Variants in CD84 observed in about 807,000 individuals in gnomAD.
CD84 encodes the protein SLAM family member 5.
In CD84, 22 loss-of-function variants were observed where a neutral mutation model predicts 33.8. The observed-to-expected ratio is 0.65, with a 90% CI of 0.46 to 0.93. The LOEUF (loss-of-function observed/expected upper bound fraction) is 0.93. Ranked by LOEUF, CD84 falls within the 40% of genes least tolerant of loss-of-function variation. The pLI is 0.00. For missense variants in CD84, 400 were observed against 397.6 expected, an observed-to-expected ratio of 1.01 and a Z score of -0.05; for synonymous variants, 154 against 145.2, an observed-to-expected ratio of 1.06 and a Z score of -0.44.
At chr1:160,565,046 T>C (rs551058035) in intron 2 of CD84, among the ~76,000 whole-genome samples, 1 of 152,328 alleles carries the variant, frequency 6.6e-6, no homozygotes, top group South Asian at 2.1e-4. Flanking sequence ...TGTACCTTCT[T>C]TGCATCTATC....
chr1:160,558,156 C>T (rs186560237), intron 2 of CD84, among the ~76,000 whole-genome samples: 14 of 152,300 alleles, frequency 9.2e-5, no homozygotes, highest in East Asian at 1.9e-4. Flanking sequence ...TTTTGTGGGT[C>T]CCTGATCCTG....
intron 1 of CD84, among the ~76,000 whole-genome samples, chr1:160,567,537 CT>C (rs1299932877): frequency 6.6e-6 from 1 of 152,170 alleles, no homozygotes; most frequent in Non-Finnish European, 1.5e-5. Context: ...CATTTATTAA[CT>C]GCTAATTATG....
chr1:160,549,878 A>T (rs201778432), intron 6 of CD84, 39 bp downstream of exon 6: 7 of 1,475,868 alleles, frequency 4.7e-6, no homozygotes, highest in Non-Finnish European at 6.6e-6. Flanking sequence ...TGGCTGGAAG[A>T]GTTAGGAAAG....
chr1:160,552,704 C>CACT (rs1408425887), intron 4 of CD84: 2 of 1,546,496 alleles, frequency 1.3e-6, no homozygotes, highest in Admixed American at 3.9e-5. Flanking sequence ...TGAGAACTTA[C>CACT]AAGGGTTCTT....
intron 3 of CD84, 122 bp downstream of exon 3, chr1:160,553,773 C>G (rs1024757400): frequency 6.8e-7 from 1 of 1,472,070 alleles, no homozygotes; most frequent in Non-Finnish European, 9.2e-7. Flanking sequence ...GTGATGCCCT[C>G]AGTGACCAGG....
chr1:160,549,851 G>A, intron 6 of CD84, 66 bp downstream of exon 6: 1 of 1,197,740 alleles, frequency 8.3e-7, no homozygotes, highest in Non-Finnish European at 1.2e-6. Flanking sequence ...TGGTTGGATG[G>A]ACCGGGTGCA....
intron 1 of CD84, among the ~76,000 whole-genome samples, chr1:160,569,258 T>TTCTGC (rs1657531772): frequency 6.6e-6 from 1 of 152,210 alleles, no homozygotes; most frequent in Admixed American, 6.5e-5. Context: ...ATAGACTTTA[T>TTCTGC]TCTGCTCTTA....
chr1:160,560,994 C>T (rs1157407417), intron 2 of CD84, among the ~76,000 whole-genome samples: 1 of 151,974 alleles, frequency 6.6e-6, no homozygotes, highest in Non-Finnish European at 1.5e-5. Flanking sequence ...GAAATTGAGG[C>T]AGTACTAAAT....
intron 2 of CD84, among the ~76,000 whole-genome samples, chr1:160,559,751 A>G (rs1656830972): frequency 6.6e-6 from 1 of 152,220 alleles, no homozygotes; most frequent in Non-Finnish European, 1.5e-5. Context: ...ACATGCAAAG[A>G]CACACATAGG....
chr1:160,568,403 G>A (rs923710069), intron 1 of CD84, among the ~76,000 whole-genome samples: 18 of 152,124 alleles, frequency 1.2e-4, no homozygotes, highest in African/African-American at 4.3e-4. Flanking sequence ...TGCTGGTGTT[G>A]TTGGCAAGAA....
rs1655870442 is a variant in CD84, at chr1:160,547,031, C to T, written c.*1225G>A. 1 of 398,312 alleles carries T rather than the reference C, an allele frequency of 2.5e-6. No homozygotes were observed. The highest frequency in any genetic ancestry group is 1.3e-4 in the South Asian group (1 of 7,680). The allele number at this position is 398,312 out of a possible 1,614,324, so 24.7% of individuals were successfully genotyped here. A position where few individuals can be genotyped will look rare whatever the true frequency, so the allele number is the denominator to read the frequency against. Reference sequence around the variant, plus strand: ...TATACTTGCTAACACATAAGGGAAACACTTCCTTAAATGATCATATGAATG... The same window carrying T: ...TATACTTGCTAACACATAAGGGAAATACTTCCTTAAATGATCATATGAATG... On this transcript the variant is annotated 3_prime_UTR_variant, in exon 7 of 7. Coordinates refer to ENST00000368054, the MANE Select transcript of CD84 (RefSeq NM_003874.4).
At chr1:160,573,428 C>T (rs1247000295) in intron 1 of CD84, among the ~76,000 whole-genome samples, 1 of 152,078 alleles carries the variant, frequency 6.6e-6, no homozygotes, top group Non-Finnish European at 1.5e-5. Flanking sequence ...TAATCTTAAC[C>T]ATCACTACTA....
At chr1:160,572,686 C>G (rs551989356) in intron 1 of CD84, among the ~76,000 whole-genome samples, 1 of 152,196 alleles carries the variant, frequency 6.6e-6, no homozygotes, top group African/African-American at 2.4e-5. Context: ...GAAGTGGTAA[C>G]CCACATTTAC....
At chr1:160,578,937 C>T (rs1466932) in intron 1 of CD84, among the ~76,000 whole-genome samples, 121,085 of 152,080 alleles carry the variant, frequency 0.8, 49,449 homozygotes, top group Non-Finnish European at 0.91. Context: ...ACAATGATAA[C>T]GATGAGTCAT....
rs983316223 is a variant in CD84 at position 160,542,313 on chromosome 1, A to T, written c.*5943T>A. 1.3e-5 allele frequency: 2 copies of T among 152,228 alleles called. No homozygotes were observed. Among genetic ancestry groups the T allele is most frequent in the Admixed American group, 1.3e-4 (2 of 15,280 alleles). The allele number at this position is 152,228 out of a possible 1,614,324, so 9.4% of individuals were successfully genotyped here. A position where few individuals can be genotyped will look rare whatever the true frequency, so the allele number is the denominator to read the frequency against. ...AATGTAAAACAGGACAGGGAATAGT[A>T]CATAGTAGGCACTGGATAAATGTTA... On this transcript the variant is annotated 3_prime_UTR_variant, in exon 7 of 7. Transcript: ENST00000368054.
intron 1 of CD84, among the ~76,000 whole-genome samples, chr1:160,566,484 T>TA (rs1657329701): frequency 6.6e-6 from 1 of 152,234 alleles, no homozygotes; most frequent in Non-Finnish European, 1.5e-5. Context: ...TTGCATGTAT[T>TA]TATTCAGGAT....
intron 2 of CD84, among the ~76,000 whole-genome samples, chr1:160,557,154 A>C (rs1037397957): frequency 2.0e-5 from 3 of 152,230 alleles, no homozygotes. Flanking sequence ...TCTACATTCT[A>C]TAAGTGAGGA....
chr1:160,558,564 G>C (rs1166474321), intron 2 of CD84, among the ~76,000 whole-genome samples: 2 of 152,130 alleles, frequency 1.3e-5, no homozygotes, highest in Non-Finnish European at 2.9e-5. Context: ...AACTCAAAAA[G>C]CCAGGATGCC....
chr1:160,543,515 G>A lies in CD84; in HGVS notation c.*4741C>T, dbSNP rs1229823147. 6.6e-6 allele frequency: 1 copy of A among 151,950 alleles called. No individual in the cohort carries two copies. Among genetic ancestry groups the A allele is most frequent in the African/African-American group, 2.4e-5 (1 of 41,418 alleles). The allele number at this position is 151,950 out of a possible 1,614,324, so 9.4% of individuals were successfully genotyped here. A position where few individuals can be genotyped will look rare whatever the true frequency, so the allele number is the denominator to read the frequency against. ...GTCATGAGTATTGACAACAATGTAT[G>A]AAGCATCTAGTTTAGCAGTTGGTAT... On this transcript the variant is annotated 3_prime_UTR_variant, in exon 7 of 7. Transcript: ENST00000368054.
Sources: allele counts gnomAD v4.1 joint callset (sites outside exome capture counted in the v4.1 genomes callset), GRCh38; gene constraint gnomAD v4.1.1; transcripts MANE v1.5; gene names NCBI Gene and HGNC (gene_info 2026-07-23, HGNC 2026-07-21).